CEP112: variants seen among roughly 807,000 people sequenced by gnomAD.
CEP112 encodes centrosomal protein of 112 kDa.
In CEP112, 127 loss-of-function variants were observed where a neutral mutation model predicts 153.0. The ratio of observed to expected loss-of-function variants is 0.83; its 90% CI spans 0.72 to 0.96. CEP112 has a LOEUF of 0.96. CEP112 is among the 40% of genes least tolerant of loss of function. The probability of loss-of-function intolerance (pLI) is 0.00; values close to 1 mark genes in which losing one functional copy is unlikely to be tolerated. For missense variants in CEP112, 1,089 were observed against 1,101.2 expected, an observed-to-expected ratio of 0.99 and a Z score of 0.16; for synonymous variants, 358 against 374.4, an observed-to-expected ratio of 0.96 and a Z score of 0.51.
chr17:65,708,507 T>C (rs1057277686), intron 23 of CEP112, among the ~76,000 whole-genome samples: 2 of 152,216 alleles, frequency 1.3e-5, no homozygotes, highest in Non-Finnish European at 2.9e-5. Flanking sequence ...TTCCTATTCA[T>C]ATGAAACTGG....
intron 21 of CEP112, among the ~76,000 whole-genome samples, chr17:65,820,040 A>C (rs1307047767): frequency 4.6e-5 from 7 of 152,134 alleles, no homozygotes; most frequent in Non-Finnish European, 1.0e-4. Flanking sequence ...GGTGAAGGAC[A>C]TATGGCAATT....
intron 12 of CEP112, among the ~76,000 whole-genome samples, chr17:66,031,519 C>A (rs1194047264): frequency 1.4e-5 from 2 of 145,386 alleles, no homozygotes; most frequent in Non-Finnish European, 3.0e-5. Context: ...GGTCTCATAG[C>A]GCAATCTTGG....
At chr17:65,877,849 T>C (rs1248913943) in intron 20 of CEP112, among the ~76,000 whole-genome samples, 1 of 152,170 alleles carries the variant, frequency 6.6e-6, no homozygotes, top group Non-Finnish European at 1.5e-5. Flanking sequence ...ATATACACAA[T>C]GGAATATTAT....
chr17:65,925,652 G>A (rs945113005), intron 19 of CEP112, among the ~76,000 whole-genome samples: 3 of 152,078 alleles, frequency 2.0e-5, no homozygotes, highest in Non-Finnish European at 4.4e-5. Flanking sequence ...ATTGTTTTAC[G>A]CTAACCCCAT....
At chr17:65,716,548 T>A (rs1245803857) in intron 23 of CEP112, among the ~76,000 whole-genome samples, 1 of 152,118 alleles carries the variant, frequency 6.6e-6, no homozygotes, top group Non-Finnish European at 1.5e-5. Context: ...TGGAGTCAAG[T>A]CAAAGTTTTA....
chr17:65,743,031 C>A (rs772488738), intron 23 of CEP112, 37 bp downstream of exon 23: 1 of 1,543,562 alleles, frequency 6.5e-7, no homozygotes, highest in Non-Finnish European at 8.8e-7. Flanking sequence ...TACATTAAAG[C>A]AGCTGGTACC....
intron 23 of CEP112, among the ~76,000 whole-genome samples, chr17:65,698,607 T>C (rs1033452666): frequency 2.6e-5 from 4 of 152,130 alleles, no homozygotes; most frequent in African/African-American, 9.7e-5. Context: ...CATCCTGACA[T>C]TACCCGCAGC....
At chr17:66,035,535 G>A (rs546995191) in intron 12 of CEP112, among the ~76,000 whole-genome samples, 1 of 152,234 alleles carries the variant, frequency 6.6e-6, no homozygotes, top group Non-Finnish European at 1.5e-5. Context: ...GAACAGTATG[G>A]AGGCACCTCA....
intron 18 of CEP112, among the ~76,000 whole-genome samples, chr17:65,934,858 C>T (rs1044042950): frequency 2.3e-4 from 35 of 152,230 alleles, no homozygotes; most frequent in Admixed American, 7.8e-4. Flanking sequence ...AGCATGGCTG[C>T]GGAGGCCTCA....
chr17:65,835,193 TAA>T (rs35890393), intron 21 of CEP112, among the ~76,000 whole-genome samples: 404 of 130,796 alleles, frequency 3.1e-3, no homozygotes, highest in Middle Eastern at 7.9e-3. Context: ...AAAATAAAAG[TAA>T]AAAAAAAAAA....
intron 5 of CEP112, among the ~76,000 whole-genome samples, chr17:66,131,672 C>T (rs1227095491): frequency 2.6e-5 from 4 of 152,032 alleles, no homozygotes; most frequent in East Asian, 1.9e-4. Context: ...ACCCGGGAGG[C>T]GGAGCTTGCA....
intron 12 of CEP112, among the ~76,000 whole-genome samples, chr17:66,044,163 T>A (rs2066102421): frequency 6.6e-6 from 1 of 152,124 alleles, no homozygotes; most frequent in African/African-American, 2.4e-5. Flanking sequence ...CTTTTCTTTT[T>A]ATCCCAAACT....
chr17:65,917,997 T>A (rs151287616), intron 19 of CEP112, among the ~76,000 whole-genome samples: 11 of 152,066 alleles, frequency 7.2e-5, no homozygotes, highest in Non-Finnish European at 1.5e-4. Context: ...GGCAACACGA[T>A]GAAACCCTGT....
At chr17:65,670,561 A>G (rs2144044742) in intron 24 of CEP112, among the ~76,000 whole-genome samples, 1 of 152,306 alleles carries the variant, frequency 6.6e-6, no homozygotes, top group East Asian at 1.9e-4. Context: ...TAGACTTAGA[A>G]GCTCCAAAAT....
At chr17:65,780,511 C>G (rs1044122330) in intron 21 of CEP112, among the ~76,000 whole-genome samples, 5 of 152,028 alleles carry the variant, frequency 3.3e-5, no homozygotes, top group African/African-American at 1.2e-4. Flanking sequence ...TCCTCAAAGA[C>G]CAAATGTAAA....
At chr17:65,871,817 T>G (rs1421129546) in intron 20 of CEP112, among the ~76,000 whole-genome samples, 1 of 152,202 alleles carries the variant, frequency 6.6e-6, no homozygotes, top group Non-Finnish European at 1.5e-5. Flanking sequence ...ATATCTTCAG[T>G]GTCAGATGAC....
At chr17:65,907,903 A>G (rs2060141913) in intron 19 of CEP112, among the ~76,000 whole-genome samples, 1 of 152,244 alleles carries the variant, frequency 6.6e-6, no homozygotes, top group Non-Finnish European at 1.5e-5. Context: ...TCGGTTGACC[A>G]ACAATAATGT....
chr17:66,158,516 A>T (rs111658536), intron 4 of CEP112, among the ~76,000 whole-genome samples: 1 of 151,880 alleles, frequency 6.6e-6, no homozygotes, highest in Non-Finnish European at 1.5e-5. Context: ...GGAGGCTGAG[A>T]CAGGAGAATG....
chr17:65,921,414 C>G (rs948126044), intron 19 of CEP112, among the ~76,000 whole-genome samples: 6 of 151,598 alleles, frequency 4.0e-5, no homozygotes, highest in African/African-American at 1.5e-4. Flanking sequence ...AACACTGTTA[C>G]AGTTAACAGA....
Sources: allele counts gnomAD v4.1 joint callset (sites outside exome capture counted in the v4.1 genomes callset), GRCh38; gene constraint gnomAD v4.1.1; transcripts MANE v1.5; gene names NCBI Gene and HGNC (gene_info 2026-07-23, HGNC 2026-07-21).